CDYL: variants seen among roughly 807,000 people sequenced by gnomAD.
The protein encoded by CDYL is chromodomain Y-like protein.
CDYL carries 8 observed loss-of-function variants against 47.3 expected under a neutral mutation model. The ratio of observed to expected loss-of-function variants is 0.17; its 90% CI spans 0.10 to 0.31. The LOEUF (loss-of-function observed/expected upper bound fraction) is 0.31. CDYL is among the 10% of genes least tolerant of loss of function. The pLI, the probability that CDYL is intolerant of heterozygous loss-of-function variation, is 1.00. For missense variants in CDYL, 471 were observed against 701.4 expected (o/e 0.67, Z 3.71); for synonymous variants, 266 against 265.0 (o/e 1.00, Z -0.04).
At chr6:4,936,666 A>C (rs1214710874) in intron 3 of CDYL, among the ~76,000 whole-genome samples, 2 of 152,312 alleles carry the variant, frequency 1.3e-5, no homozygotes, top group Non-Finnish European at 1.5e-5. Flanking sequence ...TTACGCACCA[A>C]ACTATTTTCT....
intron 2 of CDYL, among the ~76,000 whole-genome samples, chr6:4,721,884 A>C (rs1204461308): frequency 1.3e-5 from 2 of 150,966 alleles, no homozygotes; most frequent in African/African-American, 4.9e-5. Context: ...TTTTTTTTAG[A>C]TGGAGTCTTG....
chr6:4,834,152 C>G (rs1340294251), intron 1 of CDYL, among the ~76,000 whole-genome samples: 1 of 152,058 alleles, frequency 6.6e-6, no homozygotes, highest in Non-Finnish European at 1.5e-5. Context: ...TTAGTTGATG[C>G]AGTTTCTTCC....
intron 1 of CDYL, among the ~76,000 whole-genome samples, chr6:4,814,692 T>C (rs1372443857): frequency 6.6e-6 from 1 of 152,068 alleles, no homozygotes; most frequent in Non-Finnish European, 1.5e-5. Context: ...CTGGCTAATT[T>C]TTGTATTTTT....
At chr6:4,737,866 A>G (rs1215747003) in intron 3 of CDYL, among the ~76,000 whole-genome samples, 2 of 152,204 alleles carry the variant, frequency 1.3e-5, no homozygotes, top group Non-Finnish European at 2.9e-5. Flanking sequence ...ACAAATGTTT[A>G]AAAACGTAAA....
intron 1 of CDYL, among the ~76,000 whole-genome samples, chr6:4,816,774 C>T (rs902523696): frequency 6.6e-6 from 1 of 152,116 alleles, no homozygotes; most frequent in Admixed American, 6.5e-5. Flanking sequence ...CAGGCATGAG[C>T]CACTGTGCCC....
At chr6:4,891,443 A>G (rs1762037356) in intron 1 of CDYL, among the ~76,000 whole-genome samples, 1 of 152,212 alleles carries the variant, frequency 6.6e-6, no homozygotes, top group South Asian at 2.1e-4. Flanking sequence ...ACACAGAAAT[A>G]GCAGAGAGCC....
At position 4,852,592 on chromosome 6, in the gene CDYL, CTCCTTCCTTCCTCCT is replaced by C. The variant is rs139225449; in HGVS notation, c.25-39108_25-39094del. Among the ~76,000 whole-genome samples, 558 of 118,286 alleles carry C rather than the reference CTCCTTCCTTCCTCCT, an allele frequency of 4.7e-3. 27 individuals are homozygous for C. The highest frequency in any genetic ancestry group is 0.022 in the African/African-American group (532 of 23,832). The allele number at this position is 118,286 out of a possible 152,430, so 77.6% of individuals were successfully genotyped here. A position where few individuals can be genotyped will look rare whatever the true frequency, so the allele number is the denominator to read the frequency against. ...CCTTCCTTCCTTCCAATCTTCCTTC[CTCCTTCCTTCCTCCT>C]TCCTTCCTTCCTTCCTGTTTAGATT... On this transcript the variant is annotated intron_variant, in intron 1 of 6. Coordinates refer to ENST00000397588, the MANE Select transcript of CDYL (RefSeq NM_004824.4).
chr6:4,873,177 G>C (rs1761523362), intron 1 of CDYL, among the ~76,000 whole-genome samples: 1 of 152,162 alleles, frequency 6.6e-6, no homozygotes, highest in African/African-American at 2.4e-5. Context: ...GCACTTGTTA[G>C]AACAAAACAC....
chr6:4,737,709 TAG>T (rs900617960), intron 3 of CDYL, among the ~76,000 whole-genome samples: 6 of 151,952 alleles, frequency 3.9e-5, no homozygotes, highest in African/African-American at 1.4e-4. Context: ...GTATTTTTAG[TAG>T]AGACAGGGTT....
intron 5 of CDYL, among the ~76,000 whole-genome samples, chr6:4,949,823 G>T (rs1758642248): frequency 6.6e-6 from 1 of 152,186 alleles, no homozygotes; most frequent in African/African-American, 2.4e-5. Flanking sequence ...TTGTTTTCTT[G>T]GGTGACTGTC....
intron 2 of CDYL, among the ~76,000 whole-genome samples, chr6:4,894,883 G>GTGTGTATATATACACACGTGTA (rs1561692330): frequency 6.8e-6 from 1 of 146,180 alleles, no homozygotes; most frequent in African/African-American, 2.7e-5. Flanking sequence ...ACATGTGTAT[G>GTGTGTATATATACACACGTGTA]TGTGTGTATA....
chr6:4,939,265 G>A (rs1561720213), intron 4 of CDYL, among the ~76,000 whole-genome samples: 1 of 152,068 alleles, frequency 6.6e-6, no homozygotes, highest in Non-Finnish European at 1.5e-5. Context: ...TTGCACAGCA[G>A]GATTGGTGTG....
intron 1 of CDYL, among the ~76,000 whole-genome samples, chr6:4,861,885 G>A (rs561576333): frequency 6.6e-6 from 1 of 152,292 alleles, no homozygotes; most frequent in African/African-American, 2.4e-5. Flanking sequence ...CATGGATCTG[G>A]TTAAGTTACA....
At chr6:4,836,046 C>G (rs1760294258) in intron 1 of CDYL, 1 of 153,766 alleles carries the variant, frequency 6.5e-6, no homozygotes, top group Non-Finnish European at 1.4e-5. Flanking sequence ...GAGGCAATGC[C>G]TCGCCCTGCT....
intron 2 of CDYL, among the ~76,000 whole-genome samples, chr6:4,722,447 T>C (rs971984074): frequency 2.6e-5 from 4 of 152,162 alleles, no homozygotes; most frequent in African/African-American, 9.7e-5. Context: ...ATTATGATTA[T>C]AGAAATCTTC....
chr6:4,930,486 G>A (rs895892345), intron 2 of CDYL, among the ~76,000 whole-genome samples: 63 of 152,108 alleles, frequency 4.1e-4, no homozygotes, highest in African/African-American at 1.4e-3. Context: ...AAAGGCGGGT[G>A]GACTGTTAGG....
chr6:4,773,356 A>G (rs1758367688), upstream of CDYL, among the ~76,000 whole-genome samples: 1 of 152,136 alleles, frequency 6.6e-6, no homozygotes, highest in Non-Finnish European at 1.5e-5. The surrounding 1 kb of genome is among the most constrained non-coding windows in gnomAD (Gnocchi z 4.6). Flanking sequence ...TTTCACTTTT[A>G]TTCTTAAGCC....
At chr6:4,748,656 G>GACACC (rs1554133588) in intron 3 of CDYL, among the ~76,000 whole-genome samples, 2 of 146,048 alleles carry the variant, frequency 1.4e-5, no homozygotes, top group African/African-American at 5.1e-5. Context: ...TGATGGCAAA[G>GACACC]ACACACACAC....
intron 2 of CDYL, among the ~76,000 whole-genome samples, chr6:4,932,971 C>G (rs1211740836): frequency 2.0e-5 from 3 of 152,110 alleles, no homozygotes; most frequent in African/African-American, 7.2e-5. Flanking sequence ...TACGAGTGGC[C>G]TCTCATTTCT....
Sources: allele counts gnomAD v4.1 joint callset (sites outside exome capture counted in the v4.1 genomes callset), GRCh38; gene constraint gnomAD v4.1.1; non-coding constraint Gnocchi (gnomAD v3.1); transcripts MANE v1.5; gene names NCBI Gene and HGNC (gene_info 2026-07-23, HGNC 2026-07-21).